Variants in DACH1 observed in about 807,000 individuals in gnomAD.
DACH1 encodes the protein dachshund homolog 1.
In DACH1, 12 loss-of-function variants were observed where a neutral mutation model predicts 54.2. The ratio of observed to expected loss-of-function variants is 0.22; its 90% CI spans 0.14 to 0.36. The LOEUF (loss-of-function observed/expected upper bound fraction) is 0.36, where lower values mean the gene tolerates loss of function less well. Ranked by LOEUF, DACH1 falls within the 10% of genes least tolerant of loss-of-function variation. The probability of loss-of-function intolerance (pLI) is 1.00; values close to 1 mark genes in which losing one functional copy is unlikely to be tolerated. For synonymous variants in DACH1, 386 were observed against 366.2 expected, an observed-to-expected ratio of 1.05 and a Z score of -0.62; for missense variants, 805 against 929.8, an observed-to-expected ratio of 0.87 and a Z score of 1.75.
intron 1 of DACH1, among the ~76,000 whole-genome samples, chr13:71,859,514 A>G (rs1241462188): frequency 6.6e-6 from 1 of 151,822 alleles, no homozygotes; most frequent in Non-Finnish European, 1.5e-5. Flanking sequence ...TTGATTGTCT[A>G]ATAACTAATT....
At chr13:71,539,549 T>C (rs552911384) in intron 6 of DACH1, among the ~76,000 whole-genome samples, 14 of 152,216 alleles carry the variant, frequency 9.2e-5, no homozygotes, top group Non-Finnish European at 1.9e-4. Context: ...ATAGGAACTA[T>C]AATCAATATA....
intron 7 of DACH1, among the ~76,000 whole-genome samples, chr13:71,482,754 A>C (rs982379668): frequency 6.6e-6 from 1 of 152,056 alleles, no homozygotes; most frequent in Non-Finnish European, 1.5e-5. Context: ...TGTAGACCAA[A>C]AAACAAACAA....
intron 1 of DACH1, among the ~76,000 whole-genome samples, chr13:71,706,080 T>G (rs530863496): frequency 6.6e-6 from 1 of 152,138 alleles, no homozygotes; most frequent in African/African-American, 2.4e-5. Context: ...ACCACCAGCT[T>G]CAAGTCATGT....
At position 71,572,859 on chromosome 13, in the gene DACH1, A is replaced by T. The variant is rs1885300324; in HGVS notation, c.1280T>A (p.Val427Asp). The T allele has an allele frequency of 6.2e-7, 1 of 1,613,148 alleles. No homozygotes were observed. Among genetic ancestry groups the T allele is most frequent in the Non-Finnish European group, 8.5e-7 (1 of 1,179,596 alleles). ...AATTACCTTAATAACTGATGTCTCA[A>T]CTCTGGATGGGGGACTCTGAACTTG... ...AAQVQSPPSRVETSVIKERVP... is the reference protein window; with the variant it reads ...AAQVQSPPSRDETSVIKERVP... Residue 427 changes from valine (V) to aspartate (D), a missense_variant, in exon 4 of 11, where the codon GTT becomes GAT. Physicochemically the swap from Val to Asp is radical, Grantham distance 152. Around this residue, in one of 3 missense-constraint regions of DACH1, gnomAD observed 472 missense variants for 545.3 expected, o/e 0.87. Coordinates refer to ENST00000613252, the MANE Select transcript of DACH1 (RefSeq NM_080759.6).
At chr13:71,765,615 G>A (rs1195253402) in intron 1 of DACH1, among the ~76,000 whole-genome samples, 1 of 152,100 alleles carries the variant, frequency 6.6e-6, no homozygotes, top group African/African-American at 2.4e-5. Context: ...TCTGGTTCCT[G>A]CCCATTTCTC....
intron 3 of DACH1, among the ~76,000 whole-genome samples, chr13:71,629,205 A>T (rs2057481843): frequency 1.3e-5 from 2 of 152,080 alleles, no homozygotes; most frequent in Admixed American, 1.3e-4. Context: ...ACCATGACCG[A>T]AACAATCCTC....
At chr13:71,565,011 T>C (rs1884819999) in intron 4 of DACH1, among the ~76,000 whole-genome samples, 1 of 152,044 alleles carries the variant, frequency 6.6e-6, no homozygotes, top group South Asian at 2.1e-4. Flanking sequence ...AACCTCCACC[T>C]CCCTGGTTCA....
At chr13:71,741,041 G>T (rs940945503) in intron 1 of DACH1, among the ~76,000 whole-genome samples, 15 of 152,048 alleles carry the variant, frequency 9.9e-5, no homozygotes, top group Non-Finnish European at 2.1e-4. Context: ...AGATAAAACA[G>T]TAAATTATTA....
chr13:71,756,983 C>G (rs973025159), intron 1 of DACH1, among the ~76,000 whole-genome samples: 2 of 152,060 alleles, frequency 1.3e-5, no homozygotes, highest in Non-Finnish European at 2.9e-5. Context: ...TAACAAAAAA[C>G]TCATATACTG....
At chr13:71,581,267 ATTG>A (rs1158029335) in intron 3 of DACH1, among the ~76,000 whole-genome samples, 5 of 152,012 alleles carry the variant, frequency 3.3e-5, no homozygotes, top group African/African-American at 7.2e-5. Context: ...CCTAATTATT[ATTG>A]TTATTATTAT....
chr13:71,710,689 G>A (rs1420189429), intron 1 of DACH1, among the ~76,000 whole-genome samples: 33 of 152,060 alleles, frequency 2.2e-4, no homozygotes, highest in Non-Finnish European at 2.2e-4. Flanking sequence ...GAGGTGGCCA[G>A]GTAGGAAAAC....
intron 1 of DACH1, among the ~76,000 whole-genome samples, chr13:71,746,152 A>C (rs1331863713): frequency 1.3e-5 from 2 of 152,206 alleles, no homozygotes; most frequent in Non-Finnish European, 2.9e-5. Flanking sequence ...CGGGAGGCAG[A>C]GGTTGCGCTG....
intron 3 of DACH1, among the ~76,000 whole-genome samples, chr13:71,574,989 A>T (rs1885442161): frequency 6.6e-6 from 1 of 152,038 alleles, no homozygotes; most frequent in Non-Finnish European, 1.5e-5. Context: ...GAATTTTTCA[A>T]ATGTATGATA....
chr13:71,475,927 T>C lies in DACH1; in HGVS notation c.1871-78A>G, dbSNP rs1877484537. On this transcript the variant is annotated intron_variant, in intron 8 of 10. Coordinates refer to ENST00000613252, the MANE Select transcript of DACH1 (RefSeq NM_080759.6). ...CTGCTAATTTCCAAATGGTCTATAT[T>C]TTTTATATTATTCATTTTGTTTTCC... 13 of 1,096,302 alleles carry C rather than the reference T, an allele frequency of 1.2e-5. No individual in the cohort carries two copies. In the South Asian group the frequency reaches 2.2e-4, roughly 18 times the overall value. 67.9% of individuals were successfully genotyped at this position (1,096,302 alleles called of 1,614,324 possible).
At chr13:71,834,722 T>G (rs1888717339) in intron 1 of DACH1, among the ~76,000 whole-genome samples, 1 of 152,048 alleles carries the variant, frequency 6.6e-6, no homozygotes, top group Admixed American at 6.6e-5. Context: ...ATTGGTTTCG[T>G]TTTCCCATTT....
intron 1 of DACH1, among the ~76,000 whole-genome samples, chr13:71,778,113 A>G (rs1886143177): frequency 6.7e-6 from 1 of 148,450 alleles, no homozygotes; most frequent in Admixed American, 6.7e-5. Context: ...TAAATAAATA[A>G]ATAAATAAAT....
Position 71,866,764 on chromosome 13 carries a change from T to C in DACH1, c.6A>G (p.Ala2=), listed in dbSNP as rs1181176991. The change falls in exon 1 of 11, where the codon GCA becomes GCG. Residue 2 remains alanine (A), a synonymous_variant. Coordinates refer to ENST00000613252, the MANE Select transcript of DACH1 (RefSeq NM_080759.6). M[A]VPAALIPPTQ... ...TCGGAGGGATCAAAGCCGCCGGCAC[T>C]GCCATGGTCACATATAAGGGGAAAC... 7.4e-7 allele frequency: 1 copy of C among 1,358,488 alleles called. No homozygotes were observed. The highest frequency in any genetic ancestry group is 9.5e-7 in the Non-Finnish European group (1 of 1,047,552). 84.2% of individuals were successfully genotyped at this position (1,358,488 alleles called of 1,614,324 possible).
chr13:71,691,769 C>T lies in DACH1; in HGVS notation c.849-9859G>A, dbSNP rs73523430. Among the ~76,000 whole-genome samples the T allele has an allele frequency of 7.8e-3, 1,192 of 152,226 alleles. 22 individuals carry two copies. Among genetic ancestry groups the T allele is most frequent in the African/African-American group, 0.027 (1,130 of 41,530 alleles). Reference sequence around the variant, plus strand: ...ACCTTTTAATATGTGGTGGAAATAACAACAAAATACTATACCTTCCCTCAA... The same window carrying T: ...ACCTTTTAATATGTGGTGGAAATAATAACAAAATACTATACCTTCCCTCAA... On this transcript the variant is annotated intron_variant, in intron 1 of 10. Transcript: ENST00000613252.
chr13:71,627,324 C>G (rs571352012), intron 3 of DACH1, among the ~76,000 whole-genome samples: 2 of 112,038 alleles, frequency 1.8e-5, no homozygotes, highest in South Asian at 5.5e-4. Context: ...AGGAAAAAAA[C>G]AACGCTCTTA....
Sources: gnomAD v4.1 joint callset for allele counts (sites outside exome capture counted in the v4.1 genomes callset) on GRCh38, gnomAD v4.1.1 for gene constraint, gnomAD v4.1.1 regional missense constraint, MANE v1.5 for transcripts, NCBI Gene and HGNC (gene_info 2026-07-23, HGNC 2026-07-21) for gene names.